The following PTGR3 variants were observed in gnomAD, a reference collection of about 807,000 sequenced individuals.
The protein encoded by PTGR3 is zinc binding alcohol dehydrogenase domain containing 2.
chr18:75,208,421 TA>T, the PTGR3 span: 1 of 992,044 alleles, frequency 1.0e-6, no homozygotes, highest in Non-Finnish European at 1.2e-6. Context: ...CACGTTTACC[TA>T]AACGTCGCAG....
At chr18:75,205,162 TCCACAGCCCGGG>T in the PTGR3 span, 2 of 985,396 alleles carry the variant, frequency 2.0e-6, no homozygotes, top group Non-Finnish European at 2.4e-6. Context: ...GTGAGGACCC[TCCACAGCCCGGG>T]ACCCGCCTGA....
At chr18:75,205,932 A>G in the PTGR3 span, among the ~76,000 whole-genome samples, 20 of 152,128 alleles carry the variant, frequency 1.3e-4, no homozygotes, top group Admixed American at 8.5e-4. Context: ...ATTCCTACAA[A>G]CTCTTTGCTC....
the PTGR3 span, chr18:75,200,964 A>G: frequency 6.5e-6 from 1 of 154,158 alleles, no homozygotes; most frequent in African/African-American, 2.4e-5. Context: ...TTCTGAAAAT[A>G]TATGGCTGGC....
the PTGR3 span, among the ~76,000 whole-genome samples, chr18:75,204,227 G>C: frequency 1.3e-5 from 2 of 152,234 alleles, no homozygotes; most frequent in African/African-American, 2.4e-5. Flanking sequence ...GGCGCGCCCT[G>C]GGGGGCTCTG....
At chr18:75,199,108 A>C in the PTGR3 span, 1 of 152,638 alleles carries the variant, frequency 6.6e-6, no homozygotes, top group East Asian at 1.9e-4. Flanking sequence ...TAGTTTGGGG[A>C]AAGAGAGAAC....
At chr18:75,202,348 A>AAAAC in the PTGR3 span, 15 of 1,596,868 alleles carry the variant, frequency 9.4e-6, no homozygotes, top group African/African-American at 2.7e-5. Flanking sequence ...AATCTAAAAG[A>AAAAC]AAACAAACAA....
chr18:75,204,803 T>C, the PTGR3 span, among the ~76,000 whole-genome samples: 724 of 152,162 alleles, frequency 4.8e-3, 7 homozygotes, highest in African/African-American at 0.016. Context: ...TCCGCGCCCT[T>C]CGTCCCAGCG....
At chr18:75,199,457 T>C in the PTGR3 span, 1 of 152,252 alleles carries the variant, frequency 6.6e-6, no homozygotes, top group African/African-American at 2.4e-5. Context: ...AATTTAATAA[T>C]ATTCTTTGAT....
the PTGR3 span, chr18:75,205,532 C>G: frequency 1.0e-6 from 1 of 973,460 alleles, no homozygotes; most frequent in Non-Finnish European, 1.2e-6. Flanking sequence ...TCTAGAGTCA[C>G]CAGCTTATAT....
chr18:75,195,277 C>T, the PTGR3 span: 1 of 152,218 alleles, frequency 6.6e-6, no homozygotes, highest in Non-Finnish European at 1.5e-5. Flanking sequence ...GATCTGGAAT[C>T]CTAATTGTGC....
At chr18:75,209,022 C>CG in the PTGR3 span, 1 of 1,578,740 alleles carries the variant, frequency 6.3e-7, no homozygotes, top group Non-Finnish European at 8.6e-7. The surrounding 1 kb of genome is among the most constrained non-coding windows in gnomAD (Gnocchi z 4.7). Context: ...GACATGTCCA[C>CG]GATGGCCCGG....
the PTGR3 span, chr18:75,201,741 C>T: frequency 6.2e-7 from 1 of 1,614,182 alleles, no homozygotes. Flanking sequence ...AGAGATAAAC[C>T]CTATTACTAT....
At chr18:75,195,584 C>G in the PTGR3 span, 5 of 152,258 alleles carry the variant, frequency 3.3e-5, no homozygotes, top group Non-Finnish European at 7.3e-5. Flanking sequence ...ATGGGTAGAA[C>G]TAGATTATTC....
the PTGR3 span, among the ~76,000 whole-genome samples, chr18:75,204,158 T>TG: frequency 1.3e-5 from 2 of 152,230 alleles, no homozygotes; most frequent in African/African-American, 4.8e-5. Flanking sequence ...GACCCCGCCT[T>TG]GGGGGGACAC....
the PTGR3 span, chr18:75,201,461 TC>T: frequency 1.1e-5 from 17 of 1,613,196 alleles, no homozygotes; most frequent in Non-Finnish European, 1.4e-5. Context: ...CTACAATTTT[TC>T]CAGTGTTTTT....
chr18:75,207,968 C>A, the PTGR3 span, among the ~76,000 whole-genome samples: 1 of 151,944 alleles, frequency 6.6e-6, no homozygotes, highest in Non-Finnish European at 1.5e-5. Context: ...AGCGCCTTGC[C>A]AGTCAAGTCG....
At chr18:75,202,665 C>CAAAAAAAAA in the PTGR3 span, among the ~76,000 whole-genome samples, 1 of 79,046 alleles carries the variant, frequency 1.3e-5, no homozygotes, top group Non-Finnish European at 3.1e-5. Context: ...TAGAAATAAG[C>CAAAAAAAAA]AAAAAAAAAA....
chr18:75,198,106 T>C, the PTGR3 span: 1 of 152,186 alleles, frequency 6.6e-6, no homozygotes, highest in Admixed American at 6.5e-5. Flanking sequence ...GGTTAAAACA[T>C]TACCCAGGTA....
the PTGR3 span, among the ~76,000 whole-genome samples, chr18:75,204,338 C>T: frequency 6.6e-6 from 1 of 152,242 alleles, no homozygotes; most frequent in Admixed American, 6.5e-5. Flanking sequence ...CCGGAGCAGC[C>T]TGGGGAGCGC....
Sources: allele counts gnomAD v4.1 joint callset (sites outside exome capture counted in the v4.1 genomes callset), GRCh38; gene constraint gnomAD v4.1.1; non-coding constraint Gnocchi (gnomAD v3.1); transcripts MANE v1.5; gene names NCBI Gene and HGNC (gene_info 2026-07-23, HGNC 2026-07-21).